TRAPPC9: variants seen among roughly 807,000 people sequenced by gnomAD.
TRAPPC9 encodes trafficking protein particle complex subunit 9, also known as IKK2 binding protein.
In TRAPPC9, 83 loss-of-function variants were observed where a neutral mutation model predicts 124.0. The ratio of observed to expected loss-of-function variants is 0.67; its 90% CI spans 0.56 to 0.80. TRAPPC9 has a LOEUF of 0.80. Ranked by LOEUF, TRAPPC9 falls within the 30% of genes least tolerant of loss-of-function variation. The probability of loss-of-function intolerance (pLI) is 0.00; values close to 1 mark genes in which losing one functional copy is unlikely to be tolerated. For synonymous variants in TRAPPC9, 638 were observed against 617.5 expected, an observed-to-expected ratio of 1.03 and a Z score of -0.49; for missense variants, 1,302 against 1,508.3, an observed-to-expected ratio of 0.86 and a Z score of 2.27.
intron 10 of TRAPPC9, among the ~76,000 whole-genome samples, chr8:140,304,793 G>T (rs181843724): frequency 5.9e-5 from 9 of 152,324 alleles, no homozygotes; most frequent in Non-Finnish European, 1.0e-4. Flanking sequence ...TCATGAAAGA[G>T]TGTGTGATGC....
At chr8:139,959,139 G>A (rs546480928) in intron 19 of TRAPPC9, among the ~76,000 whole-genome samples, 31 of 151,408 alleles carry the variant, frequency 2.0e-4, no homozygotes, top group Middle Eastern at 3.5e-3. Flanking sequence ...TCCCAGCTTG[G>A]CCACTTTCTG....
chr8:139,837,749 CCAACCCAGATG>C (rs1365003695), intron 21 of TRAPPC9, among the ~76,000 whole-genome samples: 1 of 152,208 alleles, frequency 6.6e-6, no homozygotes, highest in Non-Finnish European at 1.5e-5. Flanking sequence ...TTCCAGGCAC[CCAACCCAGATG>C]CCAGGAGCCC....
intron 19 of TRAPPC9, among the ~76,000 whole-genome samples, chr8:139,978,839 G>A (rs1032807264): frequency 6.6e-6 from 1 of 152,226 alleles, no homozygotes; most frequent in Non-Finnish European, 1.5e-5. Context: ...AAGGCAGGCC[G>A]AGGTCCCAGA....
intron 18 of TRAPPC9, among the ~76,000 whole-genome samples, chr8:139,991,462 C>A (rs1463748985): frequency 1.3e-5 from 2 of 152,168 alleles, no homozygotes; most frequent in African/African-American, 4.8e-5. Context: ...CAGACTGCAG[C>A]AGTGGTTTGT....
At chr8:140,198,800 T>C (rs2062721040) in intron 17 of TRAPPC9, among the ~76,000 whole-genome samples, 1 of 152,210 alleles carries the variant, frequency 6.6e-6, no homozygotes, top group African/African-American at 2.4e-5. Context: ...TGGGCTGAGA[T>C]TTCCTGAATG....
chr8:139,984,937 G>A lies in TRAPPC9; in HGVS notation c.2810+3789C>T, dbSNP rs952769204. On this transcript the variant is annotated intron_variant, in intron 19 of 22. Transcript: ENST00000438773. The surrounding 1 kb of genome is among the most constrained non-coding windows in gnomAD (Gnocchi z 4.3). ...CCTTGTCAGGCAGAAAAGGGCAGCC[G>A]CTCTGGCTGGGTTAGACACTTGTCC... Among the ~76,000 whole-genome samples, 5 of 152,150 alleles carry A rather than the reference G, an allele frequency of 3.3e-5. No individual in the cohort carries two copies. The highest frequency in any genetic ancestry group is 3.9e-4 in the East Asian group (2 of 5,184).
intron 19 of TRAPPC9, among the ~76,000 whole-genome samples, chr8:139,963,966 T>C (rs1563644803): frequency 6.6e-6 from 1 of 152,160 alleles, no homozygotes; most frequent in Non-Finnish European, 1.5e-5. Flanking sequence ...GGCTCACGCC[T>C]GTAATCCCAG....
intron 7 of TRAPPC9, among the ~76,000 whole-genome samples, chr8:140,391,746 G>T (rs1475497396): frequency 2.7e-5 from 4 of 148,886 alleles, no homozygotes; most frequent in Non-Finnish European, 1.5e-5. Flanking sequence ...AAGAAAGTGA[G>T]CAGGGCATGG....
At chr8:140,204,056 GGA>G (rs1004449378) in intron 17 of TRAPPC9, among the ~76,000 whole-genome samples, 5 of 152,144 alleles carry the variant, frequency 3.3e-5, no homozygotes, top group Non-Finnish European at 5.9e-5. Context: ...CTCCAATGTT[GGA>G]GGTGGTTCTG....
chr8:140,100,855 G>A (rs1246578036), intron 17 of TRAPPC9, among the ~76,000 whole-genome samples: 1 of 152,222 alleles, frequency 6.6e-6, no homozygotes, highest in Non-Finnish European at 1.5e-5. Flanking sequence ...TTTCCGAGGC[G>A]AAAGCCTGGG....
chr8:139,884,802 C>A (rs889872228), intron 21 of TRAPPC9, among the ~76,000 whole-genome samples: 2 of 152,176 alleles, frequency 1.3e-5, no homozygotes, highest in African/African-American at 4.8e-5. Context: ...GAGGAAGAGG[C>A]CACAGAAGGA....
intron 19 of TRAPPC9, among the ~76,000 whole-genome samples, chr8:139,943,701 C>T (rs1482900016): frequency 2.0e-5 from 3 of 151,980 alleles, no homozygotes; most frequent in African/African-American, 7.3e-5. Context: ...ACTCAGCAGA[C>T]AGATAAAAAT....
At chr8:140,191,078 G>A (rs1380023024) in intron 17 of TRAPPC9, among the ~76,000 whole-genome samples, 3 of 152,162 alleles carry the variant, frequency 2.0e-5, no homozygotes, top group Non-Finnish European at 4.4e-5. Flanking sequence ...CCTCTACAAT[G>A]CTCAGCATCT....
intron 21 of TRAPPC9, among the ~76,000 whole-genome samples, chr8:139,814,483 G>A (rs961943467): frequency 2.6e-5 from 4 of 152,148 alleles, no homozygotes; most frequent in African/African-American, 9.7e-5. Flanking sequence ...CCCCTGAGGA[G>A]GACATTAAAG....
rs781774819 is a variant in TRAPPC9, at chr8:140,451,351, T to A, written c.23A>T (p.Gln8Leu). 62 of 1,604,702 alleles carry A rather than the reference T, an allele frequency of 3.9e-5. No homozygotes were observed. Among genetic ancestry groups the A allele is most frequent in the Non-Finnish European group, 5.0e-5 (59 of 1,179,982 alleles). MSVPDYM[Q>L]CAEDHQTLLV... ...CAGCGTCTGGTGGTCCTCAGCACAC[T>A]GCATGTAGTCAGGGACGCTCATTTT... The change falls in exon 2 of 23, where the codon CAG (glutamine) becomes CTG (leucine). Residue 8 changes from glutamine (Q) to leucine (L), a missense_variant. Physicochemically the swap from Gln to Leu is moderately radical, Grantham distance 113. Transcript: ENST00000438773.
chr8:140,225,769 C>CTGTG (rs1367419569), intron 16 of TRAPPC9, among the ~76,000 whole-genome samples: 1 of 152,192 alleles, frequency 6.6e-6, no homozygotes, highest in Admixed American at 6.5e-5. Context: ...GCCATCTCAT[C>CTGTG]TGTGTGTGTG....
intron 14 of TRAPPC9, 33 bp downstream of exon 14, chr8:140,283,856 G>A: frequency 1.2e-6 from 2 of 1,613,346 alleles, no homozygotes; most frequent in Non-Finnish European, 1.7e-6. Flanking sequence ...ATGCCTCAGA[G>A]CCACTCTGCT....
At chr8:140,079,091 G>C (rs1843668190) in intron 17 of TRAPPC9, among the ~76,000 whole-genome samples, 1 of 152,130 alleles carries the variant, frequency 6.6e-6, no homozygotes, top group Non-Finnish European at 1.5e-5. Flanking sequence ...AGATCTGATG[G>C]TTTTATAAAG....
intron 19 of TRAPPC9, among the ~76,000 whole-genome samples, chr8:139,954,627 G>T (rs1205933456): frequency 6.6e-6 from 1 of 152,214 alleles, no homozygotes; most frequent in Non-Finnish European, 1.5e-5. Flanking sequence ...CCATTTGTAA[G>T]AAGAAGCTGC....
Sources: gnomAD v4.1 joint callset for allele counts (sites outside exome capture counted in the v4.1 genomes callset) on GRCh38, gnomAD v4.1.1 for gene constraint, Gnocchi (gnomAD v3.1) non-coding constraint, MANE v1.5 for transcripts, NCBI Gene and HGNC (gene_info 2026-07-23, HGNC 2026-07-21) for gene names.